The following ROBO2 variants were observed in gnomAD, a reference collection of about 807,000 sequenced individuals.
The protein encoded by ROBO2 is roundabout homolog 2.
Under a neutral mutation model 160.8 loss-of-function variants are expected in ROBO2, and 53 were observed. The ratio of observed to expected loss-of-function variants is 0.33; its 90% CI spans 0.26 to 0.41. The LOEUF is 0.41. Ranked by LOEUF, ROBO2 falls within the 10% of genes least tolerant of loss-of-function variation. ROBO2 has a pLI of 1.00. For missense variants in ROBO2, 1,577 were observed against 1,722.4 expected (o/e 0.92, Z 1.49); for synonymous variants, 664 against 611.7 (o/e 1.09, Z -1.26).
At chr3:76,747,504 T>C (rs1345795415) in intron 2 of ROBO2, among the ~76,000 whole-genome samples, 18 of 152,082 alleles carry the variant, frequency 1.2e-4, no homozygotes, top group African/African-American at 4.1e-4. Context: ...ATTAATATCA[T>C]GACTTAGAGA....
chr3:77,455,621 G>A (rs112183048), intron 2 of ROBO2, among the ~76,000 whole-genome samples: 1 of 152,022 alleles, frequency 6.6e-6, no homozygotes, highest in African/African-American at 2.4e-5. Flanking sequence ...TAGTAGAGAT[G>A]GGGTTTCACC....
intron 2 of ROBO2, among the ~76,000 whole-genome samples, chr3:76,517,522 A>G (rs1206580296): frequency 1.3e-5 from 2 of 152,202 alleles, no homozygotes; most frequent in African/African-American, 4.8e-5. Context: ...TGGCAGCAGT[A>G]GAGTGTGGAT....
rs927189434 is a variant in ROBO2, at chr3:77,632,456, A to G, written c.3761-2414A>G. On this transcript the variant is annotated intron_variant, in intron 23 of 25. Coordinates refer to ENST00000461745, the Ensembl canonical transcript of ROBO2. ...TTTCAATATATACAACTCACTAGACAACTACATTTGTTTTTAGGTTCAATG... is the reference window on the plus strand; with the variant it reads ...TTTCAATATATACAACTCACTAGACGACTACATTTGTTTTTAGGTTCAATG... 9.2e-6 allele frequency: 14 copies of G among 1,518,442 alleles called. No individual in the cohort carries two copies. In the African/African-American group the frequency reaches 1.8e-4, roughly 19 times the overall value. The allele number at this position is 1,518,442 out of a possible 1,614,324, so 94.1% of individuals were successfully genotyped here.
intron 2 of ROBO2, among the ~76,000 whole-genome samples, chr3:76,352,759 C>T (rs1042253075): frequency 1.3e-5 from 2 of 151,922 alleles, no homozygotes; most frequent in Non-Finnish European, 2.9e-5. Context: ...TAGAGTTCCC[C>T]ATAAATATCA....
intron 2 of ROBO2, among the ~76,000 whole-genome samples, chr3:76,030,572 G>A (rs575248361): frequency 2.7e-4 from 41 of 152,258 alleles, no homozygotes; most frequent in African/African-American, 8.7e-4. Flanking sequence ...TCCAGTTTCA[G>A]CTTTCTACAT....
intron 2 of ROBO2, among the ~76,000 whole-genome samples, chr3:76,517,995 CTT>C (rs1376421103): frequency 1.3e-5 from 2 of 151,760 alleles, no homozygotes; most frequent in Non-Finnish European, 2.9e-5. Context: ...TAAAAAAAAA[CTT>C]TATCATGCAT....
At chr3:76,048,702 G>T (rs1198933928) in intron 2 of ROBO2, among the ~76,000 whole-genome samples, 1 of 152,146 alleles carries the variant, frequency 6.6e-6, no homozygotes, top group African/African-American at 2.4e-5. Flanking sequence ...CCCCTAAAAA[G>T]CTAGCAAGGA....
chr3:76,003,850 A>G (rs1210243967), intron 2 of ROBO2, among the ~76,000 whole-genome samples: 1 of 152,238 alleles, frequency 6.6e-6, no homozygotes, highest in Non-Finnish European at 1.5e-5. Flanking sequence ...TAACACCATT[A>G]GTCGTTAGGA....
At chr3:76,287,727 T>C (rs1408985867) in intron 2 of ROBO2, among the ~76,000 whole-genome samples, 3 of 152,230 alleles carry the variant, frequency 2.0e-5, no homozygotes, top group Non-Finnish European at 4.4e-5. Context: ...AATCTCAAAG[T>C]TTTGATGCTT....
chr3:76,000,057 G>A (rs2065837706), intron 2 of ROBO2, among the ~76,000 whole-genome samples: 2 of 152,130 alleles, frequency 1.3e-5, no homozygotes, highest in African/African-American at 2.4e-5. Context: ...CACAGAAAAA[G>A]ACATTTAATG....
chr3:76,871,553 C>CAA lies in ROBO2; in HGVS notation c.110-226455_110-226454dup, dbSNP rs553069391. Among the ~76,000 whole-genome samples the CAA allele has an allele frequency of 1.3e-3, 108 of 84,468 alleles. 2 individuals are homozygous for CAA. Among genetic ancestry groups the CAA allele is most frequent in the East Asian group, 4.3e-3 (11 of 2,576 alleles). 55.4% of individuals were successfully genotyped at this position (84,468 alleles called of 152,430 possible). Reference sequence around the variant, plus strand: ...TGGGCGACAGAGCGAGACTCCGTCTCAAAAAAAGAAAAAAAAAGAAAAAGA... The same window carrying CAA: ...TGGGCGACAGAGCGAGACTCCGTCTCAAAAAAAAAGAAAAAAAAAGAAAAAGA... On this transcript the variant is annotated intron_variant, in intron 2 of 26. Coordinates refer to the ROBO2 transcript ENST00000487694.
intron 2 of ROBO2, among the ~76,000 whole-genome samples, chr3:76,762,461 T>A (rs1229297215): frequency 6.9e-6 from 1 of 145,640 alleles, no homozygotes; most frequent in African/African-American, 2.5e-5. Context: ...TTTTTTTTTT[T>A]AACATGAGTG....
intron 2 of ROBO2, among the ~76,000 whole-genome samples, chr3:76,655,250 C>T (rs2091452965): frequency 6.7e-6 from 1 of 149,890 alleles, no homozygotes; most frequent in Admixed American, 6.7e-5. Flanking sequence ...ATCTGTTCTA[C>T]CATAAAATAT....
At chr3:76,159,926 A>G (rs193078174) in intron 2 of ROBO2, among the ~76,000 whole-genome samples, 2 of 152,248 alleles carry the variant, frequency 1.3e-5, no homozygotes, top group African/African-American at 4.8e-5. Context: ...TGTGAGGTAG[A>G]TGCCTCATGA....
chr3:77,459,728 T>C lies in ROBO2; in HGVS notation c.389-17686T>C, dbSNP rs536610246. Among the ~76,000 whole-genome samples, 7 of 152,048 alleles carry C rather than the reference T, an allele frequency of 4.6e-5. No individual in the cohort carries two copies. The East Asian group carries it at 1.4e-3, about 29-fold the overall frequency. On this transcript the variant is annotated intron_variant, in intron 2 of 25. Transcript: ENST00000461745. Reference sequence around the variant, plus strand: ...AAAAGAACAGGAGAGGTGTAGGAAGTCATGGGGAGAATAACAATTCACAGG... The same window carrying C: ...AAAAGAACAGGAGAGGTGTAGGAAGCCATGGGGAGAATAACAATTCACAGG...
At chr3:76,383,783 C>G (rs1417993944) in intron 2 of ROBO2, among the ~76,000 whole-genome samples, 1 of 151,960 alleles carries the variant, frequency 6.6e-6, no homozygotes, top group Non-Finnish European at 1.5e-5. Context: ...TCAAATAACC[C>G]CTGACAACAG....
chr3:76,658,311 T>A (rs2091666657), intron 2 of ROBO2, among the ~76,000 whole-genome samples: 2 of 152,026 alleles, frequency 1.3e-5, no homozygotes, highest in Non-Finnish European at 2.9e-5. Context: ...ATGATTATAC[T>A]TTACACTTCC....
At chr3:76,937,811 G>T (rs1182839163) in intron 2 of ROBO2, among the ~76,000 whole-genome samples, 1 of 152,074 alleles carries the variant, frequency 6.6e-6, no homozygotes, top group Non-Finnish European at 1.5e-5. Context: ...ACTGAATTCA[G>T]TTCTTCAAAG....
intron 2 of ROBO2, among the ~76,000 whole-genome samples, chr3:77,456,623 C>A (rs2081667271): frequency 6.6e-6 from 1 of 152,130 alleles, no homozygotes; most frequent in Admixed American, 6.6e-5. Context: ...GGCAGCCATC[C>A]AAGTGGTAGA....
Sources: gnomAD v4.1 joint callset for allele counts (sites outside exome capture counted in the v4.1 genomes callset) on GRCh38, gnomAD v4.1.1 for gene constraint, MANE v1.5 for transcripts, NCBI Gene and HGNC (gene_info 2026-07-23, HGNC 2026-07-21) for gene names.